PCDHGA3: variants seen among roughly 807,000 people sequenced by gnomAD.
The protein encoded by PCDHGA3 is protocadherin gamma subfamily A, 3, also known as protocadherin gamma-A3.
Under a neutral mutation model 58.5 loss-of-function variants are expected in PCDHGA3, and 40 were observed. That is an observed-to-expected ratio of 0.68 (90% confidence interval 0.53 to 0.89). The LOEUF (loss-of-function observed/expected upper bound fraction) is 0.89. PCDHGA3 is among the 40% of genes least tolerant of loss of function. The pLI is 0.00. For synonymous variants in PCDHGA3, 530 were observed against 525.7 expected, an observed-to-expected ratio of 1.01 and a Z score of -0.11; for missense variants, 1,223 against 1,195.9, an observed-to-expected ratio of 1.02 and a Z score of -0.33.
At chr5:141,356,183 GAGCTAGA>G (rs756678007) in intron 1 of PCDHGA3, 1 of 1,611,306 alleles carries the variant, frequency 6.2e-7, no homozygotes, top group Admixed American at 1.7e-5. Context: ...CCTGGTCTCC[GAGCTAGA>G]AGCAAGGTAC....
At chr5:141,375,200 G>A (rs755732164) in intron 1 of PCDHGA3, 3 of 1,613,940 alleles carry the variant, frequency 1.9e-6, no homozygotes, top group South Asian at 1.1e-5. Context: ...TCAAGTGTTC[G>A]ATCGAGACTC....
chr5:141,351,803 G>C, intron 1 of PCDHGA3: 1 of 1,613,322 alleles, frequency 6.2e-7, no homozygotes, highest in East Asian at 2.2e-5. Context: ...CGCGCAGCGC[G>C]CCTTCGACCA....
At chr5:141,473,168 A>G (rs1026233643) in intron 1 of PCDHGA3, among the ~76,000 whole-genome samples, 2 of 152,218 alleles carry the variant, frequency 1.3e-5, no homozygotes, top group Admixed American at 1.3e-4. Context: ...AGGAAGGCCC[A>G]CTGGTAACTT....
At chr5:141,351,119 C>G in intron 1 of PCDHGA3, 1 of 1,614,056 alleles carries the variant, frequency 6.2e-7, no homozygotes, top group Non-Finnish European at 8.5e-7. Flanking sequence ...AAGTACCAGC[C>G]TCTTCAATCT....
intron 1 of PCDHGA3, chr5:141,433,025 G>A: frequency 6.2e-7 from 1 of 1,614,144 alleles, no homozygotes; most frequent in Non-Finnish European, 8.5e-7. Context: ...CTATTCCCAC[G>A]AGGTTTCCCT....
Position 141,431,054 on chromosome 5 carries a change from G to T in PCDHGA3, c.2425-63753G>T. 6.2e-7 allele frequency: 1 copy of T among 1,614,198 alleles called. No individual in the cohort carries two copies. The highest frequency in any genetic ancestry group is 8.5e-7 in the Non-Finnish European group (1 of 1,180,004). ...AGACCGGGAGGAGCTCTGTATGGGG[G>T]CCATCAAGTGTCAATTAAATCTAGA... On this transcript the variant is annotated intron_variant, in intron 1 of 3. Transcript: ENST00000253812. This position sits in a 1 kb window ranked among gnomAD's most constrained non-coding sequence, Gnocchi z 4.8.
chr5:141,351,786 T>C, intron 1 of PCDHGA3: 2 of 1,613,248 alleles, frequency 1.2e-6, no homozygotes, highest in South Asian at 1.1e-5. Flanking sequence ...CAGAGCGGGG[T>C]GGTGTTCGCG....
Position 141,490,721 on chromosome 5 carries a change from T to C in PCDHGA3, c.2425-4086T>C, listed in dbSNP as rs779242781. On this transcript the variant is annotated intron_variant, in intron 1 of 3. Coordinates refer to ENST00000253812, the MANE Select transcript of PCDHGA3 (RefSeq NM_018916.4). This position sits in a 1 kb window ranked among gnomAD's most constrained non-coding sequence, Gnocchi z 5.4. The stretch of plus-strand genomic sequence containing the variant: ...AATGCCCGCCTCACCTACTCCATTG[T>C]AGGAAATCAGGTTCAGGGAGCCCCA... 23 of 1,614,056 alleles carry C rather than the reference T, an allele frequency of 1.4e-5. No individual in the cohort carries two copies. The highest frequency in any genetic ancestry group is 6.6e-5 in the South Asian group (6 of 91,080).
intron 1 of PCDHGA3, among the ~76,000 whole-genome samples, chr5:141,453,479 A>G (rs1345415084): frequency 1.3e-5 from 2 of 152,082 alleles, no homozygotes; most frequent in Non-Finnish European, 2.9e-5. Context: ...AGTCAAAACT[A>G]TTAAAAAAAG....
intron 1 of PCDHGA3, chr5:141,372,352 C>T (rs1300220406): frequency 6.2e-7 from 1 of 1,613,912 alleles, no homozygotes; most frequent in South Asian, 1.1e-5. Flanking sequence ...GGACAGCAGC[C>T]TCTTTCAGCC....
At position 141,476,717 on chromosome 5, in the gene PCDHGA3, G is replaced by A. The variant is rs2099397053; in HGVS notation, c.2425-18090G>A. 6.2e-7 allele frequency: 1 copy of A among 1,614,048 alleles called. No homozygotes were observed. The stretch of plus-strand genomic sequence containing the variant: ...GTACGCGGAGCTGGTGTTGGAGCGC[G>A]CCCTGGACCGAGAACGGGAGCCTAG... On this transcript the variant is annotated intron_variant, in intron 1 of 3. Transcript: ENST00000253812. This position sits in a 1 kb window ranked among gnomAD's most constrained non-coding sequence, Gnocchi z 7.6.
intron 1 of PCDHGA3, chr5:141,479,399 T>C (rs2099494765): frequency 6.6e-6 from 1 of 152,576 alleles, no homozygotes; most frequent in African/African-American, 2.4e-5. Flanking sequence ...AGTTCTGGGC[T>C]GTGGTGCACT....
At chr5:141,353,028 CATT>C (rs1759167363) in intron 1 of PCDHGA3, among the ~76,000 whole-genome samples, 1 of 152,104 alleles carries the variant, frequency 6.6e-6, no homozygotes, top group African/African-American at 2.4e-5. Context: ...ATTTTCTTCT[CATT>C]GGTGTATAAG....
intron 1 of PCDHGA3, chr5:141,394,742 G>T: frequency 1.2e-6 from 2 of 1,613,420 alleles, no homozygotes; most frequent in Non-Finnish European, 1.7e-6. Flanking sequence ...AGAGCCTCGT[G>T]GTGGCCGTCC....
intron 1 of PCDHGA3, chr5:141,374,057 C>T (rs768326017): frequency 6.7e-7 from 1 of 1,486,570 alleles, no homozygotes; most frequent in Admixed American, 2.5e-5. Flanking sequence ...TCTTCTTAAT[C>T]CCAGAGAAGT....
intron 1 of PCDHGA3, among the ~76,000 whole-genome samples, chr5:141,481,761 G>A (rs984825493): frequency 2.6e-5 from 4 of 152,234 alleles, no homozygotes; most frequent in Non-Finnish European, 2.9e-5. Context: ...AGACCAGCCT[G>A]GCCAACATGG....
intron 1 of PCDHGA3, among the ~76,000 whole-genome samples, chr5:141,369,619 C>T (rs1197396001): frequency 6.6e-6 from 1 of 152,170 alleles, no homozygotes; most frequent in African/African-American, 2.4e-5. Context: ...CAATCATTTC[C>T]TCATTACCTT....
intron 1 of PCDHGA3, chr5:141,351,061 T>C (rs1474719299): frequency 1.2e-6 from 2 of 1,614,060 alleles, no homozygotes; most frequent in South Asian, 1.1e-5. Context: ...CAGACCAGGA[T>C]GAGGGCATTA....
intron 1 of PCDHGA3, chr5:141,390,888 G>A (rs1420100403): frequency 6.7e-6 from 1 of 149,538 alleles, no homozygotes; most frequent in African/African-American, 2.4e-5. Context: ...GTGTGTGTGT[G>A]AGAGAGATCC....
Sources: gnomAD v4.1 joint callset for allele counts (sites outside exome capture counted in the v4.1 genomes callset) on GRCh38, gnomAD v4.1.1 for gene constraint, Gnocchi (gnomAD v3.1) non-coding constraint, MANE v1.5 for transcripts, NCBI Gene and HGNC (gene_info 2026-07-23, HGNC 2026-07-21) for gene names.